Variants in UCK2 observed in about 807,000 individuals in gnomAD.
UCK2 encodes uridine-cytidine kinase 2.
UCK2 carries 6 observed loss-of-function variants against 30.8 expected under a neutral mutation model. The ratio of observed to expected loss-of-function variants is 0.19; its 90% CI spans 0.11 to 0.38. The LOEUF is 0.38. Among genes scored for constraint, UCK2 ranks in the 10% least tolerant of loss-of-function variants. The pLI, the probability that UCK2 is intolerant of heterozygous loss-of-function variation, is 1.00. For synonymous variants in UCK2, 125 were observed against 133.6 expected, an observed-to-expected ratio of 0.94 and a Z score of 0.45; for missense variants, 210 against 339.8, an observed-to-expected ratio of 0.62 and a Z score of 3.00.
intron 3 of UCK2, among the ~76,000 whole-genome samples, chr1:165,893,553 TG>T (rs1050757544): frequency 1.3e-5 from 2 of 152,240 alleles, no homozygotes; most frequent in African/African-American, 4.8e-5. Flanking sequence ...GACATTTACT[TG>T]TTGCAATTAC....
At chr1:165,900,187 C>T (rs1047820965) in intron 4 of UCK2, 2 of 152,212 alleles carry the variant, frequency 1.3e-5, no homozygotes, top group Non-Finnish European at 2.9e-5. Context: ...TTCCCGCGCT[C>T]CCACGGTGTT....
chr1:165,837,615 C>A (rs1654228405), intron 1 of UCK2, among the ~76,000 whole-genome samples: 1 of 152,088 alleles, frequency 6.6e-6, no homozygotes, highest in South Asian at 2.1e-4. Context: ...AATTTTTTTC[C>A]CTTGCCCTGT....
chr1:165,855,598 C>A (rs1186522072), intron 1 of UCK2, among the ~76,000 whole-genome samples: 5 of 151,432 alleles, frequency 3.3e-5, no homozygotes, highest in African/African-American at 1.2e-4. Context: ...TTGGACATTC[C>A]CGGGTTTCTG....
At chr1:165,856,422 T>A (rs1310609113) in intron 1 of UCK2, among the ~76,000 whole-genome samples, 5 of 143,488 alleles carry the variant, frequency 3.5e-5, no homozygotes, top group Non-Finnish European at 6.1e-5. Context: ...TTTTTTTTTG[T>A]CATTAAAATT....
At chr1:165,830,829 T>A (rs1440283739) in intron 1 of UCK2, among the ~76,000 whole-genome samples, 1 of 151,548 alleles carries the variant, frequency 6.6e-6, no homozygotes, top group Non-Finnish European at 1.5e-5. Flanking sequence ...AGCCCGGGAG[T>A]TTGAGGCCAG....
At chr1:165,876,560 A>G (rs1457937884) in intron 1 of UCK2, among the ~76,000 whole-genome samples, 2 of 152,252 alleles carry the variant, frequency 1.3e-5, no homozygotes, top group Non-Finnish European at 2.9e-5. Flanking sequence ...ATGTATGTAC[A>G]GGAGTGTACA....
chr1:165,841,150 C>T (rs1654322284), intron 1 of UCK2, among the ~76,000 whole-genome samples: 1 of 149,462 alleles, frequency 6.7e-6, no homozygotes, highest in Admixed American at 6.6e-5. Context: ...ATATAAAAAT[C>T]TCCATGATCC....
intron 1 of UCK2, among the ~76,000 whole-genome samples, chr1:165,862,803 G>A (rs1654952255): frequency 6.6e-6 from 1 of 152,158 alleles, no homozygotes; most frequent in Non-Finnish European, 1.5e-5. Flanking sequence ...GACACAGAGA[G>A]AGAGGCCATC....
intron 2 of UCK2, chr1:165,890,675 G>A (rs1655743011): frequency 6.1e-6 from 2 of 329,902 alleles, no homozygotes; most frequent in Non-Finnish European, 1.2e-5. Context: ...TGCTGCCTCT[G>A]ATCTGAGGCA....
At chr1:165,849,676 T>C (rs968227226) in intron 1 of UCK2, among the ~76,000 whole-genome samples, 2 of 152,238 alleles carry the variant, frequency 1.3e-5, no homozygotes, top group Non-Finnish European at 2.9e-5. Flanking sequence ...CATTTTTGGC[T>C]CTAAACTTTT....
chr1:165,898,022 A>G (rs1209793359), intron 4 of UCK2: 1 of 152,144 alleles, frequency 6.6e-6, no homozygotes, highest in African/African-American at 2.4e-5. Context: ...TTGCATGGTC[A>G]TTTTGGATAG....
chr1:165,869,084 G>C lies in UCK2; in HGVS notation c.100-21120G>C, dbSNP rs558231184. On this transcript the variant is annotated intron_variant, in intron 1 of 6. Transcript: ENST00000367879. ...GAGAGACAGTGGAATGCCCCAGTCAGTGGAACAGTCAGAACATGTACATTA... is the reference window on the plus strand; with the variant it reads ...GAGAGACAGTGGAATGCCCCAGTCACTGGAACAGTCAGAACATGTACATTA... Among the ~76,000 whole-genome samples the C allele has an allele frequency of 1.1e-3, 174 of 152,318 alleles. 2 individuals are homozygous for C. Among genetic ancestry groups the C allele is most frequent in the Non-Finnish European group, 2.2e-3 (149 of 68,028 alleles).
intron 1 of UCK2, among the ~76,000 whole-genome samples, chr1:165,829,383 TC>T (rs371003199): frequency 6.6e-6 from 1 of 152,358 alleles, no homozygotes; most frequent in African/African-American, 2.4e-5. Flanking sequence ...TTCTTGCTCT[TC>T]TGGCATATTC....
intron 1 of UCK2, among the ~76,000 whole-genome samples, chr1:165,867,205 A>C (rs1655069428): frequency 6.6e-6 from 1 of 152,244 alleles, no homozygotes; most frequent in South Asian, 2.1e-4. Flanking sequence ...CTTTATTGCT[A>C]ATGGTCATCT....
chr1:165,833,838 G>C (rs1418181536), intron 1 of UCK2, among the ~76,000 whole-genome samples: 1 of 152,052 alleles, frequency 6.6e-6, no homozygotes, highest in Non-Finnish European at 1.5e-5. Flanking sequence ...ATGCATGTCT[G>C]TATGCTTTCG....
rs539334912 is a variant in UCK2, at chr1:165,911,445, G to T, written c.*3622G>T. 6.6e-6 allele frequency: 1 copy of T among 152,334 alleles called. No homozygotes were observed. The highest frequency in any genetic ancestry group is 1.9e-4 in the East Asian group (1 of 5,178). The allele number at this position is 152,334 out of a possible 1,614,324, so 9.4% of individuals were successfully genotyped here. A position where few individuals can be genotyped will look rare whatever the true frequency, so the allele number is the denominator to read the frequency against. On this transcript the variant is annotated 3_prime_UTR_variant, in exon 7 of 7. Transcript: ENST00000367879. Reference sequence around the variant, plus strand: ...CTTAGAGGCAGGGAGTGCCTACCCAGTCCTGCCTCAGGAGCAGGGTGAGTA... The same window carrying T: ...CTTAGAGGCAGGGAGTGCCTACCCATTCCTGCCTCAGGAGCAGGGTGAGTA...
intron 1 of UCK2, among the ~76,000 whole-genome samples, chr1:165,836,122 G>A (rs1193353535): frequency 1.3e-5 from 2 of 152,112 alleles, no homozygotes; most frequent in African/African-American, 4.8e-5. Context: ...CAGCTACTCC[G>A]GAGGCTGAGG....
At chr1:165,832,232 A>G (rs1654067990) in intron 1 of UCK2, among the ~76,000 whole-genome samples, 1 of 152,060 alleles carries the variant, frequency 6.6e-6, no homozygotes, top group African/African-American at 2.4e-5. Context: ...CCTTAATGAG[A>G]ATTATTTTTT....
Position 165,827,648 on chromosome 1 carries a change from C to G in UCK2, c.-186C>G. 1 of 421,580 alleles carries G rather than the reference C, an allele frequency of 2.4e-6. No individual in the cohort carries two copies. Among genetic ancestry groups the G allele is most frequent in the Non-Finnish European group, 4.0e-6 (1 of 248,202 alleles). The allele number at this position is 421,580 out of a possible 1,614,324, so 26.1% of individuals were successfully genotyped here. A position where few individuals can be genotyped will look rare whatever the true frequency, so the allele number is the denominator to read the frequency against. The stretch of plus-strand genomic sequence containing the variant: ...ACCAGCCGCTGCGGGCAAAGGAAGG[C>G]TCTTGGCTCCTTCGGGAAACCCAGC... On this transcript the variant is annotated 5_prime_UTR_variant, in exon 1 of 7. Transcript: ENST00000367879.
Sources: gnomAD v4.1 joint callset for allele counts (sites outside exome capture counted in the v4.1 genomes callset) on GRCh38, gnomAD v4.1.1 for gene constraint, MANE v1.5 for transcripts, NCBI Gene and HGNC (gene_info 2026-07-23, HGNC 2026-07-21) for gene names.